The following TAF3 variants were observed in gnomAD, a reference collection of about 807,000 sequenced individuals.
TAF3 encodes the protein TATA-box binding protein associated factor 3, also known as transcription initiation factor TFIID subunit 3.
TAF3 carries 7 observed loss-of-function variants against 80.6 expected under a neutral mutation model. The ratio of observed to expected loss-of-function variants is 0.09; its 90% CI spans 0.05 to 0.16. TAF3 has a LOEUF of 0.16. Ranked by LOEUF, TAF3 falls within the 10% of genes least tolerant of loss-of-function variation. TAF3 has a pLI of 1.00. For missense variants in TAF3, 921 were observed against 1,140.2 expected (o/e 0.81, Z 2.77); for synonymous variants, 444 against 446.1 (o/e 1.00, Z 0.06).
At chr10:7,903,383 G>A (rs1313332443) in intron 2 of TAF3, among the ~76,000 whole-genome samples, 1 of 152,132 alleles carries the variant, frequency 6.6e-6, no homozygotes, top group Non-Finnish European at 1.5e-5. Flanking sequence ...GAAGCCCCAG[G>A]CTCACTGTGT....
chr10:7,920,034 G>A (rs904726490), intron 2 of TAF3, among the ~76,000 whole-genome samples: 1 of 151,890 alleles, frequency 6.6e-6, no homozygotes, highest in African/African-American at 2.4e-5. Flanking sequence ...TCACTTGAGC[G>A]CAGGAGTTCA....
chr10:7,853,465 G>C (rs1837048678), intron 2 of TAF3, among the ~76,000 whole-genome samples: 2 of 152,140 alleles, frequency 1.3e-5, no homozygotes, highest in South Asian at 4.1e-4. Context: ...GAAAAATGTA[G>C]ATTAAACTTC....
At chr10:7,947,233 G>C in intron 2 of TAF3, among the ~76,000 whole-genome samples, 1 of 152,122 alleles carries the variant, frequency 6.6e-6, no homozygotes, top group East Asian at 1.9e-4. Context: ...CTGCTCTGCT[G>C]TGCAATCTGC....
intron 2 of TAF3, among the ~76,000 whole-genome samples, chr10:7,959,453 A>G (rs917611550): frequency 3.9e-5 from 6 of 152,228 alleles, no homozygotes; most frequent in African/African-American, 1.4e-4. Flanking sequence ...TAAGTAACAT[A>G]AAGGAATGAA....
intron 2 of TAF3, among the ~76,000 whole-genome samples, chr10:7,870,458 G>A (rs566249684): frequency 7.9e-5 from 12 of 152,004 alleles, no homozygotes; most frequent in Non-Finnish European, 1.3e-4. Context: ...ATTTATTTAC[G>A]TGAGTGTTGC....
At chr10:7,994,409 CA>C (rs1344724206) in intron 4 of TAF3, among the ~76,000 whole-genome samples, 2 of 151,760 alleles carry the variant, frequency 1.3e-5, no homozygotes, top group African/African-American at 4.8e-5. Context: ...TAGGCCTTTA[CA>C]AGGGACAGAA....
At chr10:7,980,462 T>A in intron 4 of TAF3, among the ~76,000 whole-genome samples, 1 of 152,208 alleles carries the variant, frequency 6.6e-6, no homozygotes, top group East Asian at 1.9e-4. Context: ...AACTGTATTC[T>A]AAAGGAGTCA....
chr10:7,835,024 G>T (rs760440468), intron 2 of TAF3, among the ~76,000 whole-genome samples: 1 of 152,034 alleles, frequency 6.6e-6, no homozygotes, highest in African/African-American at 2.4e-5. Context: ...TGTTTCTCTC[G>T]TACTTTCATT....
chr10:7,977,564 G>C lies in TAF3; in HGVS notation c.2315+241G>C, dbSNP rs535828736. ...TTCTTTTTCTCTTTTTTAAAGACTA[G>C]CACCTGACATTATTTCTGCATAGTC... On this transcript the variant is annotated intron_variant, in intron 4 of 6. Transcript: ENST00000344293. Among the ~76,000 whole-genome samples, 10 of 151,900 alleles carry C rather than the reference G, an allele frequency of 6.6e-5. No homozygotes were observed. In the East Asian group the frequency reaches 1.9e-3, roughly 29 times the overall value.
intron 2 of TAF3, among the ~76,000 whole-genome samples, chr10:7,875,233 A>G (rs1837303273): frequency 6.6e-6 from 1 of 151,964 alleles, no homozygotes; most frequent in South Asian, 2.1e-4. Context: ...TTGTTTATTT[A>G]TTTAACCATT....
intron 2 of TAF3, among the ~76,000 whole-genome samples, chr10:7,851,677 C>T (rs1837027884): frequency 6.6e-6 from 1 of 152,144 alleles, no homozygotes; most frequent in African/African-American, 2.4e-5. Flanking sequence ...GCCCTGATGA[C>T]CTTATTTTAT....
intron 2 of TAF3, among the ~76,000 whole-genome samples, chr10:7,918,821 G>A (rs11255442): frequency 6.6e-6 from 1 of 152,138 alleles, no homozygotes; most frequent in South Asian, 2.1e-4. Context: ...AAAGGAAGAG[G>A]CATAACCCTT....
chr10:7,983,146 A>G (rs535609860), intron 4 of TAF3, among the ~76,000 whole-genome samples: 1 of 152,222 alleles, frequency 6.6e-6, no homozygotes, highest in South Asian at 2.1e-4. Flanking sequence ...GGTCCTGGCC[A>G]CTCAGGCTGT....
intron 2 of TAF3, among the ~76,000 whole-genome samples, chr10:7,920,591 G>A (rs2131188392): frequency 6.6e-6 from 1 of 152,160 alleles, no homozygotes; most frequent in Admixed American, 6.5e-5. Context: ...CACAGAAACA[G>A]TTTCTAAAGA....
chr10:7,894,147 G>A (rs531438802), intron 2 of TAF3, among the ~76,000 whole-genome samples: 29 of 152,262 alleles, frequency 1.9e-4, no homozygotes, highest in Non-Finnish European at 3.4e-4. Flanking sequence ...TCTAATGGAA[G>A]CAGGGGTTTG....
chr10:7,823,913 G>C (rs925670971), intron 1 of TAF3, among the ~76,000 whole-genome samples: 13 of 150,808 alleles, frequency 8.6e-5, no homozygotes, highest in Non-Finnish European at 1.9e-4. Context: ...TTACAGGCGT[G>C]AGCCATCGCG....
intron 2 of TAF3, among the ~76,000 whole-genome samples, chr10:7,862,179 T>C (rs944489436): frequency 1.3e-5 from 2 of 152,262 alleles, no homozygotes; most frequent in South Asian, 2.1e-4. Context: ...TTTTCCTTTA[T>C]GTTCTTGAAC....
intron 4 of TAF3, among the ~76,000 whole-genome samples, chr10:7,993,952 C>T (rs1831859336): frequency 7.7e-6 from 1 of 130,490 alleles, no homozygotes; most frequent in Non-Finnish European, 1.5e-5. Flanking sequence ...ATATAGTTAT[C>T]TCCAGTGATG....
intron 2 of TAF3, among the ~76,000 whole-genome samples, chr10:7,956,493 T>C (rs540686367): frequency 3.4e-4 from 51 of 152,162 alleles, no homozygotes; most frequent in African/African-American, 1.1e-3. Context: ...TCTCAAAAAA[T>C]AATAATAATT....
Sources: gnomAD v4.1 joint callset for allele counts (sites outside exome capture counted in the v4.1 genomes callset) on GRCh38, gnomAD v4.1.1 for gene constraint, MANE v1.5 for transcripts, NCBI Gene and HGNC (gene_info 2026-07-23, HGNC 2026-07-21) for gene names.